Variants in RNF150 observed in about 807,000 individuals in gnomAD.
The protein encoded by RNF150 is ring finger protein 150.
In RNF150, 24 loss-of-function variants were observed where a neutral mutation model predicts 39.3. The ratio of observed to expected loss-of-function variants is 0.61; its 90% CI spans 0.44 to 0.86. The LOEUF is 0.86. RNF150 is among the 40% of genes least tolerant of loss of function. The pLI is 0.00. For synonymous variants in RNF150, 255 were observed against 227.3 expected, an observed-to-expected ratio of 1.12 and a Z score of -1.10; for missense variants, 502 against 587.8, an observed-to-expected ratio of 0.85 and a Z score of 1.51.
chr4:140,997,651 G>T (rs538242486), intron 1 of RNF150, among the ~76,000 whole-genome samples: 32 of 98,990 alleles, frequency 3.2e-4, no homozygotes, highest in African/African-American at 9.2e-4. Flanking sequence ...GAAGGTGGAG[G>T]TTGCAGTGAG....
At chr4:141,149,541 C>A (rs759766046) in intron 1 of RNF150, among the ~76,000 whole-genome samples, 17 of 152,324 alleles carry the variant, frequency 1.1e-4, no homozygotes, top group Non-Finnish European at 2.1e-4. Flanking sequence ...TCAGTTCCAT[C>A]CAGGTTGATG....
rs551307369 is a variant in RNF150 at position 140,928,615 on chromosome 4, C to T, written c.891-2542G>A. 2.6e-4 allele frequency among the ~76,000 whole-genome samples: 40 copies of T among 152,290 alleles called. 1 individual carries two copies. In the South Asian group the frequency reaches 6.4e-3, roughly 24 times the overall value. On this transcript the variant is annotated intron_variant, in intron 4 of 6. Coordinates refer to ENST00000515673, the MANE Select transcript of RNF150 (RefSeq NM_020724.2). ...AGACTGGAGTGCAGTGGCAAGATCT[C>T]GGCTCACTGCAAGCTCCATCTCCTG... is the stretch of plus-strand genomic sequence containing the variant.
intron 5 of RNF150, among the ~76,000 whole-genome samples, chr4:140,923,325 C>G (rs1018524261): frequency 6.6e-6 from 1 of 152,224 alleles, no homozygotes; most frequent in Non-Finnish European, 1.5e-5. Flanking sequence ...TGAACAGAGA[C>G]TTCTCAAAAG....
At chr4:141,186,173 G>A in intron 1 of RNF150, among the ~76,000 whole-genome samples, 1 of 152,052 alleles carries the variant, frequency 6.6e-6, no homozygotes, top group East Asian at 1.9e-4. Context: ...GGCTTTTTTT[G>A]GTTGGTAGGC....
At chr4:140,974,546 G>GT (rs1208885040) in intron 1 of RNF150, among the ~76,000 whole-genome samples, 2 of 152,164 alleles carry the variant, frequency 1.3e-5, no homozygotes, top group Non-Finnish European at 2.9e-5. Flanking sequence ...TTGTACGGTA[G>GT]TTGAACATTT....
chr4:141,151,294 A>G (rs1727292032), intron 1 of RNF150, among the ~76,000 whole-genome samples: 1 of 152,044 alleles, frequency 6.6e-6, no homozygotes, highest in South Asian at 2.1e-4. Flanking sequence ...AACCTAGTTT[A>G]TGGTTAAATA....
chr4:141,016,583 A>G (rs931820406), intron 1 of RNF150, among the ~76,000 whole-genome samples: 1 of 152,204 alleles, frequency 6.6e-6, no homozygotes, highest in Non-Finnish European at 1.5e-5. Flanking sequence ...TTCCTCTACA[A>G]CTGGCTCGCT....
At chr4:141,136,992 G>GTTA (rs1451808578), upstream of RNF150, among the ~76,000 whole-genome samples, 3 of 152,164 alleles carry the variant, frequency 2.0e-5, no homozygotes, top group Non-Finnish European at 4.4e-5. Flanking sequence ...TACAATCTGA[G>GTTA]TATAAGTACA....
chr4:141,054,328 C>T (rs181449785), intron 1 of RNF150, among the ~76,000 whole-genome samples: 119 of 152,240 alleles, frequency 7.8e-4, no homozygotes, highest in African/African-American at 2.6e-3. Flanking sequence ...CTACAATATG[C>T]ATCATTTTGC....
At chr4:141,162,861 A>G (rs572172755) in intron 1 of RNF150, among the ~76,000 whole-genome samples, 67 of 152,320 alleles carry the variant, frequency 4.4e-4, no homozygotes, top group Non-Finnish European at 8.2e-4. Flanking sequence ...CTGGGTTTCA[A>G]GCACAAAACT....
At chr4:140,942,595 G>A (rs959462527) in intron 4 of RNF150, among the ~76,000 whole-genome samples, 2 of 152,126 alleles carry the variant, frequency 1.3e-5, no homozygotes, top group Admixed American at 6.6e-5. Flanking sequence ...GGTATGAGTC[G>A]AACATCCTTT....
intron 1 of RNF150, among the ~76,000 whole-genome samples, chr4:141,108,808 T>G (rs1437476680): frequency 6.6e-6 from 1 of 152,178 alleles, no homozygotes; most frequent in Non-Finnish European, 1.5e-5. Context: ...ATAAGAGACT[T>G]TATTGACTTA....
At position 141,132,680 on chromosome 4, in the gene RNF150, G is replaced by T. The variant is rs779155167; in HGVS notation, c.129C>A (p.Phe43Leu). The part of the protein sequence containing the change: ...VAEKEEWYTA[F>L]VNITYAEPAP... ...CGGGCTCGGCGTAGGTGATGTTCAC[G>T]AAGGCGGTGTACCATTCCTCCTTCT... The change falls in exon 1 of 7, where the codon TTC becomes TTA. Residue 43 changes from phenylalanine (F) to leucine (L), a missense_variant. Phe to Leu is a conservative substitution (Grantham distance 22, BLOSUM62 0). Coordinates refer to ENST00000515673, the MANE Select transcript of RNF150 (RefSeq NM_020724.2). This position sits in a 1 kb window ranked among gnomAD's most constrained non-coding sequence, Gnocchi z 4.9. The T allele has an allele frequency of 6.2e-7, 1 of 1,607,930 alleles. No homozygotes were observed.
intron 1 of RNF150, among the ~76,000 whole-genome samples, chr4:140,978,993 CA>C (rs1255637344): frequency 6.6e-6 from 1 of 152,064 alleles, no homozygotes; most frequent in African/African-American, 2.4e-5. Context: ...TTTTGCTGGA[CA>C]AAAAACAATA....
At chr4:141,052,650 A>G (rs918288599) in intron 1 of RNF150, among the ~76,000 whole-genome samples, 1 of 152,200 alleles carries the variant, frequency 6.6e-6, no homozygotes, top group African/African-American at 2.4e-5. Context: ...TGCTGGGATT[A>G]TAAGTGTGAG....
chr4:140,944,961 G>C (rs1212335006), intron 4 of RNF150, among the ~76,000 whole-genome samples: 1 of 152,080 alleles, frequency 6.6e-6, no homozygotes, highest in Non-Finnish European at 1.5e-5. Context: ...ACAGCAACAG[G>C]CATAAAAATA....
chr4:141,038,430 C>T (rs1414934089), intron 1 of RNF150, among the ~76,000 whole-genome samples: 1 of 152,176 alleles, frequency 6.6e-6, no homozygotes, highest in Non-Finnish European at 1.5e-5. Context: ...TGGCTCATGC[C>T]TGTAATCCCA....
intron 1 of RNF150, among the ~76,000 whole-genome samples, chr4:141,118,144 T>C (rs143546490): frequency 1.0e-3 from 154 of 152,222 alleles, no homozygotes; most frequent in African/African-American, 3.7e-3. Flanking sequence ...CCTGGGGAGC[T>C]AGTGTCAGAC....
At chr4:141,174,263 G>A (rs1392510638) in intron 1 of RNF150, among the ~76,000 whole-genome samples, 1 of 152,142 alleles carries the variant, frequency 6.6e-6, no homozygotes, top group Non-Finnish European at 1.5e-5. Flanking sequence ...TGTACTGTTT[G>A]AGTCTCTCTT....
Sources: gnomAD v4.1 joint callset for allele counts (sites outside exome capture counted in the v4.1 genomes callset) on GRCh38, gnomAD v4.1.1 for gene constraint, Gnocchi (gnomAD v3.1) non-coding constraint, MANE v1.5 for transcripts, NCBI Gene and HGNC (gene_info 2026-07-23, HGNC 2026-07-21) for gene names.